The following SGCZ variants were observed in gnomAD, a reference collection of about 807,000 sequenced individuals.
SGCZ encodes zeta-sarcoglycan.
In SGCZ, 40 loss-of-function variants were observed where a neutral mutation model predicts 41.3. The observed-to-expected ratio is 0.97, with a 90% confidence interval of 0.75 to 1.26. The LOEUF (loss-of-function observed/expected upper bound fraction) is 1.26, where lower values mean the gene tolerates loss of function less well. Ranked by LOEUF, SGCZ falls within the 50% of genes most tolerant of loss-of-function variation. The probability of loss-of-function intolerance (pLI) is 0.00; values close to 1 mark genes in which losing one functional copy is unlikely to be tolerated. For synonymous variants in SGCZ, 206 were observed against 137.5 expected, an observed-to-expected ratio of 1.50 and a Z score of -3.49; for missense variants, 552 against 369.8, an observed-to-expected ratio of 1.49 and a Z score of -4.04.
At chr8:14,725,638 A>T (rs1810024941) in intron 1 of SGCZ, among the ~76,000 whole-genome samples, 2 of 152,320 alleles carry the variant, frequency 1.3e-5, no homozygotes, top group African/African-American at 4.8e-5. Flanking sequence ...AACATTTTTT[A>T]AAAATCACTA....
intron 1 of SGCZ, among the ~76,000 whole-genome samples, chr8:14,785,833 T>C (rs1402166972): frequency 6.6e-6 from 1 of 152,160 alleles, no homozygotes; most frequent in Non-Finnish European, 1.5e-5. Flanking sequence ...TATTCATTTT[T>C]ACTTTCACAG....
intron 1 of SGCZ, among the ~76,000 whole-genome samples, chr8:15,164,184 T>C (rs1262468520): frequency 6.6e-6 from 1 of 152,170 alleles, no homozygotes; most frequent in African/African-American, 2.4e-5. Context: ...TAAGGAAAAG[T>C]CCTGTAACAT....
chr8:14,226,078 G>T (rs753150261), intron 4 of SGCZ, among the ~76,000 whole-genome samples: 1 of 151,992 alleles, frequency 6.6e-6, no homozygotes, highest in Non-Finnish European at 1.5e-5. Flanking sequence ...GCTACCATGT[G>T]TCAAGCAGGG....
At chr8:14,696,341 T>G (rs1274988054) in intron 1 of SGCZ, among the ~76,000 whole-genome samples, 1 of 152,004 alleles carries the variant, frequency 6.6e-6, no homozygotes, top group Non-Finnish European at 1.5e-5. Context: ...ACGCAAAGAT[T>G]CTCCCCTGAC....
intron 1 of SGCZ, among the ~76,000 whole-genome samples, chr8:14,588,699 T>C (rs1805143940): frequency 6.6e-6 from 1 of 152,148 alleles, no homozygotes; most frequent in South Asian, 2.1e-4. Flanking sequence ...ATGTCATCTC[T>C]CTGAATTTTA....
At chr8:14,828,699 G>T (rs530896287) in intron 1 of SGCZ, among the ~76,000 whole-genome samples, 53 of 152,264 alleles carry the variant, frequency 3.5e-4, no homozygotes, top group African/African-American at 1.3e-3. Flanking sequence ...GATGCTCAAG[G>T]CATTTTGCTT....
chr8:14,553,617 C>G (rs1803939426), intron 2 of SGCZ, among the ~76,000 whole-genome samples: 1 of 151,970 alleles, frequency 6.6e-6, no homozygotes, highest in Non-Finnish European at 1.5e-5. Context: ...GCCACCTGCC[C>G]GCACAGGCTC....
Position 15,117,981 on chromosome 8 carries a change from C to G in SGCZ, c.39+119604G>C, listed in dbSNP as rs1257234486. On this transcript the variant is annotated intron_variant, in intron 1 of 7. Transcript: ENST00000382080. Reference sequence around the variant, plus strand: ...CTGTTTACACCTAGTGTGCATATAGCTAAAACAGAATGAGTAAATCTCTGC... The same window carrying G: ...CTGTTTACACCTAGTGTGCATATAGGTAAAACAGAATGAGTAAATCTCTGC... 2.0e-5 allele frequency among the ~76,000 whole-genome samples: 3 copies of G among 152,170 alleles called. No individual in the cohort carries two copies. The East Asian group carries it at 5.8e-4, about 29-fold the overall frequency.
chr8:14,519,968 G>A (rs1802741403), intron 2 of SGCZ, among the ~76,000 whole-genome samples: 1 of 151,940 alleles, frequency 6.6e-6, no homozygotes, highest in African/African-American at 2.4e-5. Flanking sequence ...TATTCAATAA[G>A]TGCTGATTGT....
intron 1 of SGCZ, among the ~76,000 whole-genome samples, chr8:14,633,667 T>C (rs976104140): frequency 6.6e-6 from 1 of 151,902 alleles, no homozygotes; most frequent in Non-Finnish European, 1.5e-5. Context: ...TCTTACTTAT[T>C]TGTATACCTC....
chr8:14,639,480 C>T (rs1344837635), intron 1 of SGCZ, among the ~76,000 whole-genome samples: 2 of 151,704 alleles, frequency 1.3e-5, no homozygotes, highest in African/African-American at 2.4e-5. Context: ...TCAAATCACT[C>T]TTACCGCATT....
intron 1 of SGCZ, among the ~76,000 whole-genome samples, chr8:15,185,667 G>A (rs947378687): frequency 6.6e-6 from 1 of 152,116 alleles, no homozygotes; most frequent in African/African-American, 2.4e-5. Context: ...ACTGCCCCAA[G>A]TTCTGTTGGA....
At chr8:15,032,370 C>T (rs1175826852) in intron 1 of SGCZ, among the ~76,000 whole-genome samples, 5 of 152,178 alleles carry the variant, frequency 3.3e-5, no homozygotes, top group Non-Finnish European at 7.3e-5. Flanking sequence ...ACTACTCCAA[C>T]CCTACATACC....
intron 3 of SGCZ, among the ~76,000 whole-genome samples, chr8:14,303,671 C>T (rs961334458): frequency 6.6e-6 from 1 of 152,114 alleles, no homozygotes; most frequent in Admixed American, 6.6e-5. Context: ...CCAGTGTCTT[C>T]TTGGTTTTTA....
intron 1 of SGCZ, among the ~76,000 whole-genome samples, chr8:15,134,169 T>C (rs1269449699): frequency 1.3e-5 from 2 of 152,134 alleles, no homozygotes; most frequent in Non-Finnish European, 2.9e-5. Context: ...TTACACTACC[T>C]TTCCCTTTAC....
rs1206408129 is a variant in SGCZ at position 14,323,079 on chromosome 8, AGAGTC to A, written c.336+1019_336+1023del. Among the ~76,000 whole-genome samples, 6 of 152,132 alleles carry A rather than the reference AGAGTC, an allele frequency of 3.9e-5. No individual in the cohort carries two copies. In the East Asian group the frequency reaches 1.2e-3, roughly 29 times the overall value. The stretch of plus-strand genomic sequence containing the variant: ...AAAATAAAATTTCTAGTACCAGAGT[AGAGTC>A]AATACAGTATATTAGAAGCTGTATC... On this transcript the variant is annotated intron_variant, in intron 3 of 7. Transcript: ENST00000382080.
chr8:14,588,978 T>C (rs554689948), intron 1 of SGCZ, among the ~76,000 whole-genome samples: 1 of 152,192 alleles, frequency 6.6e-6, no homozygotes, highest in East Asian at 1.9e-4. Context: ...GTATGATGAG[T>C]ACAATGAATT....
chr8:14,593,333 C>G (rs915669436), intron 1 of SGCZ, among the ~76,000 whole-genome samples: 1 of 152,138 alleles, frequency 6.6e-6, no homozygotes, highest in Non-Finnish European at 1.5e-5. Context: ...TGTAGGCTGA[C>G]TTTAGAAGCT....
At chr8:15,017,384 T>G (rs908601134) in intron 1 of SGCZ, among the ~76,000 whole-genome samples, 1 of 152,238 alleles carries the variant, frequency 6.6e-6, no homozygotes, top group African/African-American at 2.4e-5. Context: ...TGATCCACAG[T>G]GGACCTTGGT....
Sources: allele counts gnomAD v4.1 joint callset (sites outside exome capture counted in the v4.1 genomes callset), GRCh38; gene constraint gnomAD v4.1.1; transcripts MANE v1.5; gene names NCBI Gene and HGNC (gene_info 2026-07-23, HGNC 2026-07-21).